Variants in ZNF226 observed in about 807,000 individuals in gnomAD.
ZNF226 encodes zinc finger protein 226, also known as Kruppel-associated box protein.
A neutral mutation model predicts 11.4 loss-of-function variants in ZNF226; 6 were observed. The ratio of observed to expected loss-of-function variants is 0.53; its 90% CI spans 0.29 to 1.04. The LOEUF is 1.04. ZNF226 is among the 50% of genes least tolerant of loss of function. The pLI is 0.08. For synonymous variants in ZNF226, 350 were observed against 322.8 expected, an observed-to-expected ratio of 1.08 and a Z score of -0.90; for missense variants, 1,058 against 956.5, an observed-to-expected ratio of 1.11 and a Z score of -1.40.
intron 2 of ZNF226, chr19:44,167,028 TCCCA>T (rs1256619402): frequency 1.3e-5 from 2 of 152,182 alleles, no homozygotes; most frequent in African/African-American, 2.4e-5. Flanking sequence ...GATTTTTCTT[TCCCA>T]CTAAATATTA....
At chr19:44,196,967 A>G in the ZNF226 span, among the ~76,000 whole-genome samples, 4 of 152,108 alleles carry the variant, frequency 2.6e-5, no homozygotes, top group East Asian at 7.7e-4. Flanking sequence ...TTCAGACACT[A>G]CCCCTCTCTC....
chr19:44,191,903 C>T, the ZNF226 span, among the ~76,000 whole-genome samples: 1 of 152,150 alleles, frequency 6.6e-6, no homozygotes, highest in African/African-American at 2.4e-5. Flanking sequence ...TAAAAACCTT[C>T]TACATATTTA....
downstream of ZNF226, among the ~76,000 whole-genome samples, chr19:44,180,489 T>G (rs1970890999): frequency 6.6e-6 from 1 of 152,194 alleles, no homozygotes; most frequent in Non-Finnish European, 1.5e-5. Context: ...GATGTTTAGT[T>G]TGCTCTTAGA....
intron 2 of ZNF226, among the ~76,000 whole-genome samples, chr19:44,169,293 G>A (rs899923086): frequency 7.9e-5 from 12 of 152,122 alleles, no homozygotes; most frequent in African/African-American, 2.9e-4. Context: ...TTACAGGCAT[G>A]AGCCACTGTG....
chr19:44,185,960 T>G, the ZNF226 span, among the ~76,000 whole-genome samples: 1 of 152,138 alleles, frequency 6.6e-6, no homozygotes, highest in African/African-American at 2.4e-5. Flanking sequence ...AGGGTCTAAC[T>G]TTATTCTTTT....
downstream of ZNF226, among the ~76,000 whole-genome samples, chr19:44,182,356 T>TAC (rs34630350): frequency 0.19 from 28,461 of 151,186 alleles, 5,739 homozygotes; most frequent in African/African-American, 0.5. Flanking sequence ...CGCGCGTGCA[T>TAC]ACACACACAC....
intron 2 of ZNF226, chr19:44,167,017 T>C (rs1205319879): frequency 2.6e-5 from 4 of 152,146 alleles, no homozygotes. Context: ...CTCAGTCCAG[T>C]GATTTTTCTT....
At chr19:44,185,603 GT>G in the ZNF226 span, among the ~76,000 whole-genome samples, 1 of 151,660 alleles carries the variant, frequency 6.6e-6, no homozygotes, top group Non-Finnish European at 1.5e-5. Context: ...ATTATTTGGG[GT>G]TTTTTTGTTG....
chr19:44,193,413 C>A, the ZNF226 span, among the ~76,000 whole-genome samples: 7 of 151,384 alleles, frequency 4.6e-5, no homozygotes, highest in East Asian at 1.2e-3. Flanking sequence ...AAAAATGGGA[C>A]AAGTTAAGAT....
At chr19:44,184,943 CT>C in the ZNF226 span, among the ~76,000 whole-genome samples, 3 of 152,212 alleles carry the variant, frequency 2.0e-5, no homozygotes, top group South Asian at 6.2e-4. Flanking sequence ...CTCCCAGCCC[CT>C]GGTAACTACC....
chr19:44,189,544 G>A, the ZNF226 span, among the ~76,000 whole-genome samples: 1 of 152,288 alleles, frequency 6.6e-6, no homozygotes, highest in Non-Finnish European at 1.5e-5. Context: ...AGCATAGAGT[G>A]AGTGACAGTT....
chr19:44,192,048 T>C, the ZNF226 span, among the ~76,000 whole-genome samples: 1 of 152,154 alleles, frequency 6.6e-6, no homozygotes, highest in African/African-American at 2.4e-5. Context: ...TACCATATTA[T>C]AGAAAAGATA....
Position 44,177,673 on chromosome 19 carries a change from G to T in ZNF226, c.2411G>T (p.Ter804LeuextTer?). 1 of 1,570,978 alleles carries T rather than the reference G, an allele frequency of 6.4e-7. No individual in the cohort carries two copies. Among genetic ancestry groups the T allele is most frequent in the South Asian group, 1.2e-5 (1 of 82,960 alleles). Residue 804 changes from the stop codon to leucine (L), a stop_lost, in exon 6 of 6, where the codon TGA becomes TTA. Coordinates refer to ENST00000337433, the MANE Select transcript of ZNF226 (RefSeq NM_001032373.2). ...ACACAGGAAAAAAAATCTATAAAAT[G>T]ATTCTTTGTGAAGACTCGTGTCATT... ...ESTQEKKSIK[*>L]
downstream of ZNF226, among the ~76,000 whole-genome samples, chr19:44,178,875 CAGTTT>C (rs548745210): frequency 4.4e-4 from 67 of 152,092 alleles, no homozygotes; most frequent in Middle Eastern, 3.4e-3. Context: ...AAGAGTGTAA[CAGTTT>C]AGTTTAAGAA....
downstream of ZNF226, among the ~76,000 whole-genome samples, chr19:44,178,917 C>T (rs1259835493): frequency 2.6e-5 from 4 of 152,192 alleles, no homozygotes; most frequent in Non-Finnish European, 4.4e-5. Flanking sequence ...TGATGGCCCA[C>T]GTCCATAATC....
chr19:44,170,230 C>T (rs775832678), intron 3 of ZNF226, 135 bp downstream of exon 3: 11 of 750,746 alleles, frequency 1.5e-5, no homozygotes, highest in African/African-American at 3.6e-5. Flanking sequence ...TATTTTGTTC[C>T]GTTTGAGTTT....
Position 44,177,185 on chromosome 19 carries a change from A to G in ZNF226, c.1923A>G (p.Lys641=), listed in dbSNP as rs1970770291. Residue 641 remains lysine (K), a synonymous_variant, in exon 6 of 6, where the codon AAA becomes AAG. Transcript: ENST00000337433. ...ATCAGAGAGTCCACAGTGGAGAAAA[A>G]CCATTCAAATGTGAAGAATGTGGGA... is the stretch of plus-strand genomic sequence containing the variant. ...LAHQRVHSGE[K]PFKCEECGKS... 6.2e-7 allele frequency: 1 copy of G among 1,613,708 alleles called. No homozygotes were observed. Among genetic ancestry groups the G allele is most frequent in the Admixed American group, 1.7e-5 (1 of 59,962 alleles).
chr19:44,186,846 G>A, the ZNF226 span, among the ~76,000 whole-genome samples: 21 of 149,144 alleles, frequency 1.4e-4, no homozygotes, highest in African/African-American at 4.7e-4. Flanking sequence ...ATTATATTTA[G>A]GTACTTTCCT....
the ZNF226 span, among the ~76,000 whole-genome samples, chr19:44,189,874 G>A: frequency 6.6e-6 from 1 of 152,198 alleles, no homozygotes; most frequent in Non-Finnish European, 1.5e-5. Context: ...TGAACTTTCT[G>A]CATGACCCAC....
Sources: allele counts gnomAD v4.1 joint callset (sites outside exome capture counted in the v4.1 genomes callset), GRCh38; gene constraint gnomAD v4.1.1; transcripts MANE v1.5; gene names NCBI Gene and HGNC (gene_info 2026-07-23, HGNC 2026-07-21).